The following NEDD4L variants were observed in gnomAD, a reference collection of about 807,000 sequenced individuals.
NEDD4L encodes NEDD4 like E3 ubiquitin protein ligase.
NEDD4L carries 54 observed loss-of-function variants against 148.9 expected under a neutral mutation model. The observed-to-expected ratio is 0.36, with a 90% CI of 0.29 to 0.45. The LOEUF (loss-of-function observed/expected upper bound fraction) is 0.45. Among genes scored for constraint, NEDD4L ranks in the 20% least tolerant of loss-of-function variants. NEDD4L has a pLI of 1.00. For missense variants in NEDD4L, 856 were observed against 1,233.8 expected (o/e 0.69, Z 4.59); for synonymous variants, 433 against 440.7 (o/e 0.98, Z 0.22).
chr18:58,215,782 C>T (rs2043099625), intron 2 of NEDD4L, among the ~76,000 whole-genome samples: 1 of 151,980 alleles, frequency 6.6e-6, no homozygotes, highest in African/African-American at 2.4e-5. Context: ...TGGCATTTTC[C>T]TTTTAGTTGT....
At chr18:58,277,655 G>T (rs1191222968) in intron 5 of NEDD4L, among the ~76,000 whole-genome samples, 1 of 152,124 alleles carries the variant, frequency 6.6e-6, no homozygotes, top group Non-Finnish European at 1.5e-5. Flanking sequence ...CTGGGGTTCT[G>T]CAGACATTGA....
chr18:58,131,668 T>G (rs1391923937), intron 1 of NEDD4L, among the ~76,000 whole-genome samples: 1 of 151,890 alleles, frequency 6.6e-6, no homozygotes, highest in Non-Finnish European at 1.5e-5. Context: ...TGTTGAGCTC[T>G]GTTGGGGTTT....
At chr18:58,143,139 C>T (rs1448331727) in intron 1 of NEDD4L, among the ~76,000 whole-genome samples, 4 of 152,340 alleles carry the variant, frequency 2.6e-5, no homozygotes, top group South Asian at 4.1e-4. Context: ...TTATATGCAT[C>T]ACTTGAGCCC....
chr18:58,113,760 GAACAA>G (rs113644116), intron 1 of NEDD4L, among the ~76,000 whole-genome samples: 33,645 of 151,648 alleles, frequency 0.22, 3,847 homozygotes, highest in Admixed American at 0.29. Context: ...CCAAGTTAAA[GAACAA>G]AACAAAACAA....
chr18:58,123,108 C>A (rs896577340), intron 1 of NEDD4L, among the ~76,000 whole-genome samples: 2 of 152,200 alleles, frequency 1.3e-5, no homozygotes, highest in Non-Finnish European at 2.9e-5. Context: ...AGCATCCTTA[C>A]ATCCTCCACC....
intron 5 of NEDD4L, among the ~76,000 whole-genome samples, chr18:58,278,319 C>T (rs1196165500): frequency 6.6e-6 from 1 of 152,196 alleles, no homozygotes; most frequent in Non-Finnish European, 1.5e-5. Context: ...CCCCTTGTCT[C>T]TTTTTCATCT....
intron 18 of NEDD4L, among the ~76,000 whole-genome samples, chr18:58,355,780 G>C (rs1328860245): frequency 6.7e-6 from 1 of 148,402 alleles, no homozygotes; most frequent in Non-Finnish European, 1.5e-5. Flanking sequence ...AAAGATTCTA[G>C]AATCATCACT....
At chr18:58,095,531 C>G (rs1442081650) in intron 1 of NEDD4L, among the ~76,000 whole-genome samples, 1 of 152,002 alleles carries the variant, frequency 6.6e-6, no homozygotes, top group Non-Finnish European at 1.5e-5. Context: ...CCTTGCAGGG[C>G]TCAGTCGGGG....
chr18:58,255,889 C>T, intron 5 of NEDD4L: 1 of 1,232,132 alleles, frequency 8.1e-7, no homozygotes, highest in African/African-American at 1.5e-5. Context: ...GCATCGACGC[C>T]CGCCCCACGT....
chr18:58,260,324 T>C (rs1354208560), intron 5 of NEDD4L, among the ~76,000 whole-genome samples: 1 of 152,250 alleles, frequency 6.6e-6, no homozygotes, highest in East Asian at 1.9e-4. Flanking sequence ...AATAAACCAA[T>C]ATATATCTTC....
intron 1 of NEDD4L, among the ~76,000 whole-genome samples, chr18:58,064,673 C>T (rs1005105740): frequency 3.4e-4 from 51 of 152,190 alleles, no homozygotes; most frequent in African/African-American, 1.2e-3. Flanking sequence ...ATACAAGGGC[C>T]GATTGAAGCC....
At chr18:58,199,969 T>G (rs923704501) in intron 2 of NEDD4L, among the ~76,000 whole-genome samples, 4 of 152,236 alleles carry the variant, frequency 2.6e-5, no homozygotes, top group African/African-American at 9.6e-5. Context: ...ACGTGGGGAC[T>G]CTATCTTATC....
intron 1 of NEDD4L, among the ~76,000 whole-genome samples, chr18:58,130,881 G>C (rs2032001173): frequency 6.7e-6 from 1 of 148,250 alleles, no homozygotes; most frequent in African/African-American, 2.5e-5. Context: ...TGGTGGTGTT[G>C]GGCTCTGTTG....
chr18:58,327,731 A>G (rs1017967636), intron 9 of NEDD4L, among the ~76,000 whole-genome samples: 2 of 152,206 alleles, frequency 1.3e-5, no homozygotes, highest in Non-Finnish European at 2.9e-5. Flanking sequence ...CTTGATAAGT[A>G]CTATATTTCA....
chr18:58,299,853 T>G (rs899546365), intron 5 of NEDD4L, among the ~76,000 whole-genome samples: 5 of 152,196 alleles, frequency 3.3e-5, no homozygotes, highest in African/African-American at 4.8e-5. Context: ...GGCTCAAATT[T>G]ATGATTTATC....
chr18:58,169,243 A>G (rs1481328099), intron 2 of NEDD4L, among the ~76,000 whole-genome samples: 2 of 152,162 alleles, frequency 1.3e-5, no homozygotes, highest in African/African-American at 4.8e-5. Flanking sequence ...CTTTGTTTGG[A>G]GCAGATTGGA....
chr18:58,056,903 T>G (rs1443231532), intron 1 of NEDD4L, among the ~76,000 whole-genome samples: 1 of 147,822 alleles, frequency 6.8e-6, no homozygotes, highest in African/African-American at 2.5e-5. Context: ...TCTTTTTTTT[T>G]TTTTTTTGTT....
chr18:58,141,213 A>G (rs549191480), intron 1 of NEDD4L, among the ~76,000 whole-genome samples: 5 of 152,284 alleles, frequency 3.3e-5, no homozygotes, highest in African/African-American at 1.2e-4. Flanking sequence ...GTTGGAGGTC[A>G]TTACCTGGCG....
intron 1 of NEDD4L, among the ~76,000 whole-genome samples, chr18:58,156,201 G>T (rs906494827): frequency 6.6e-6 from 1 of 152,196 alleles, no homozygotes; most frequent in African/African-American, 2.4e-5. Flanking sequence ...AGAAGCGTTG[G>T]TGTTCTTCCT....
Sources: allele counts gnomAD v4.1 joint callset (sites outside exome capture counted in the v4.1 genomes callset), GRCh38; gene constraint gnomAD v4.1.1; transcripts MANE v1.5; gene names NCBI Gene and HGNC (gene_info 2026-07-23, HGNC 2026-07-21).